C1orf115: variants seen among roughly 807,000 people sequenced by gnomAD.
C1orf115 encodes the protein required for drug-induced death protein 1.
A neutral mutation model predicts 12.5 loss-of-function variants in C1orf115; 14 were observed. The observed-to-expected ratio is 1.12, with a 90% CI of 0.74 to 1.75. The LOEUF (loss-of-function observed/expected upper bound fraction) is 1.75, where lower values mean the gene tolerates loss of function less well. Ranked by LOEUF, C1orf115 falls within the 40% of genes most tolerant of loss-of-function variation. The pLI is 0.00. For synonymous variants in C1orf115, 109 were observed against 104.6 expected (o/e 1.04, Z -0.26); for missense variants, 237 against 220.8 (o/e 1.07, Z -0.46).
chr1:220,690,880 G>A (rs1483136961), intron 1 of C1orf115, among the ~76,000 whole-genome samples, 169 bp downstream of exon 1: 1 of 152,162 alleles, frequency 6.6e-6, no homozygotes, highest in African/African-American at 2.4e-5. Context: ...GTTGCGAGTC[G>A]TGATAGAAAC....
At chr1:220,692,804 G>T (rs546231617) in intron 1 of C1orf115, among the ~76,000 whole-genome samples, 29 of 152,334 alleles carry the variant, frequency 1.9e-4, no homozygotes, top group African/African-American at 7.0e-4. Context: ...TTTATGTTAT[G>T]TGAATTTTGC....
In C1orf115 at chr1:220,697,526, G is replaced by A. The variant is rs1034493527; in HGVS notation, c.*795G>A. On this transcript the variant is annotated 3_prime_UTR_variant, in exon 2 of 2. Coordinates refer to ENST00000294889, the MANE Select transcript of C1orf115 (RefSeq NM_024709.5). This position sits in a 1 kb window ranked among gnomAD's most constrained non-coding sequence, Gnocchi z 4.5. ...GCATTGCCCACTTCGGCCCAGCCAC[G>A]TGTTTGCAGCGACCAGAGTCCCTGC... The A allele has an allele frequency of 1.3e-5, 2 of 152,334 alleles. No homozygotes were observed. Among genetic ancestry groups the A allele is most frequent in the African/African-American group, 2.4e-5 (1 of 41,556 alleles). The allele number at this position is 152,334 out of a possible 1,614,324, so 9.4% of individuals were successfully genotyped here.
chr1:220,696,717 T>C lies in C1orf115; in HGVS notation c.415T>C (p.Ser139Pro), dbSNP rs1670200087. The change falls in exon 2 of 2, where the codon TCC becomes CCC. Residue 139 changes from serine to proline, a missense_variant. Ser to Pro is a moderately conservative substitution (Grantham distance 74). Transcript: ENST00000294889. ...GTTTGCGGTAGCCACCAGCGTGGTA[T>C]CCTTCGTGCGCTAATGGGAGCTGCT... Reference protein sequence around the residue: ...APFAVATSVVSFVR With the variant: ...APFAVATSVVPFVR 6.3e-7 allele frequency: 1 copy of C among 1,593,752 alleles called. No individual in the cohort carries two copies. The highest frequency in any genetic ancestry group is 8.6e-7 in the Non-Finnish European group (1 of 1,163,162).
chr1:220,694,242 T>C (rs1425772869), intron 1 of C1orf115, among the ~76,000 whole-genome samples: 1 of 152,196 alleles, frequency 6.6e-6, no homozygotes, highest in East Asian at 1.9e-4. Flanking sequence ...TATTTAGCAG[T>C]AATAATAGCT....
Position 220,690,572 on chromosome 1 carries a change from A to T in C1orf115, c.170A>T (p.Asp57Val), listed in dbSNP as rs554579162. The change falls in exon 1 of 2, where the codon GAC becomes GTC. Residue 57 changes from aspartate to valine, a missense_variant. By Grantham distance (152) the Asp-to-Val change is radical. Transcript: ENST00000294889. ...GCCGAGAGCGGGACGAGCGCGGCGG[A>T]CGAGCGGGGCCCGGGGACCCGGGGC... ...AAAESGTSAA[D>V]ERGPGTRGAR... 8.8e-4 allele frequency: 1,308 copies of T among 1,490,266 alleles called. 1 individual carries two copies. The highest frequency in any genetic ancestry group is 3.2e-3 in the Admixed American group (131 of 41,358). 92.3% of individuals were successfully genotyped at this position (1,490,266 alleles called of 1,614,324 possible).
rs942548901 is a variant in C1orf115 at position 220,698,799 on chromosome 1, T to C, written c.*2068T>C. 4 of 152,164 alleles carry C rather than the reference T, an allele frequency of 2.6e-5. No individual in the cohort carries two copies. Among genetic ancestry groups the C allele is most frequent in the African/African-American group, 7.2e-5 (3 of 41,424 alleles). The allele number at this position is 152,164 out of a possible 1,614,324, so 9.4% of individuals were successfully genotyped here. A position where few individuals can be genotyped will look rare whatever the true frequency, so the allele number is the denominator to read the frequency against. On this transcript the variant is annotated 3_prime_UTR_variant, in exon 2 of 2. Coordinates refer to ENST00000294889, the MANE Select transcript of C1orf115 (RefSeq NM_024709.5). Reference sequence around the variant, plus strand: ...TTTGGCCCTGAAATTCTTAAGAATCTGGTTAAGAATTAACTCACTAATGTC... The same window carrying C: ...TTTGGCCCTGAAATTCTTAAGAATCCGGTTAAGAATTAACTCACTAATGTC...
intron 1 of C1orf115, among the ~76,000 whole-genome samples, chr1:220,695,507 T>TG (rs974362303): frequency 2.0e-5 from 3 of 149,284 alleles, no homozygotes; most frequent in African/African-American, 7.4e-5. Flanking sequence ...TTTTTTTTTT[T>TG]TTTTTTTTTC....
At position 220,696,927 on chromosome 1, in the gene C1orf115, C is replaced by T. The variant is rs1049881386; in HGVS notation, c.*196C>T. 1.1e-5 allele frequency: 7 copies of T among 632,586 alleles called. No homozygotes were observed. The Admixed American group carries it at 1.4e-4, about 13-fold the overall frequency. The allele number at this position is 632,586 out of a possible 1,614,324, so 39.2% of individuals were successfully genotyped here. A position where few individuals can be genotyped will look rare whatever the true frequency, so the allele number is the denominator to read the frequency against. Reference sequence around the variant, plus strand: ...CTGAGCTTCTCACATCTCTCAGTCACACGTGGACCCAGTGGTCAATCCTGC... The same window carrying T: ...CTGAGCTTCTCACATCTCTCAGTCATACGTGGACCCAGTGGTCAATCCTGC... On this transcript the variant is annotated 3_prime_UTR_variant, in exon 2 of 2. Coordinates refer to ENST00000294889, the MANE Select transcript of C1orf115 (RefSeq NM_024709.5).
At chr1:220,690,830 C>G in intron 1 of C1orf115, 119 bp downstream of exon 1, 2 of 1,196,646 alleles carry the variant, frequency 1.7e-6, no homozygotes, top group South Asian at 1.6e-5. Flanking sequence ...TGCGACCCCT[C>G]CGCCCCCGCT....
Position 220,697,730 on chromosome 1 carries a change from AC to A in C1orf115, c.*1001del, listed in dbSNP as rs1330136829. 1 of 152,654 alleles carries A rather than the reference AC, an allele frequency of 6.6e-6. No homozygotes were observed. The highest frequency in any genetic ancestry group is 1.5e-5 in the Non-Finnish European group (1 of 68,364). The allele number at this position is 152,654 out of a possible 1,614,324, so 9.5% of individuals were successfully genotyped here. ...ATGAAAATACAGATTTAGAGAAGGA[AC>A]CAGTAAGTAGGAGACAGATGTGAAG... On this transcript the variant is annotated 3_prime_UTR_variant, in exon 2 of 2. Coordinates refer to ENST00000294889, the MANE Select transcript of C1orf115 (RefSeq NM_024709.5). The surrounding 1 kb of genome is among the most constrained non-coding windows in gnomAD (Gnocchi z 4.5).
chr1:220,690,743 GC>G, intron 1 of C1orf115, 32 bp downstream of exon 1: 1 of 1,553,854 alleles, frequency 6.4e-7, no homozygotes. Context: ...TGCCCGGGGG[GC>G]GCGGGTGTGG....
At chr1:220,694,258 T>TG (rs974724651) in intron 1 of C1orf115, among the ~76,000 whole-genome samples, 10 of 152,160 alleles carry the variant, frequency 6.6e-5, no homozygotes, top group Admixed American at 6.5e-4. Flanking sequence ...TAGCTGACAT[T>TG]GGGGGGCACT....
rs1406251625 is a variant in C1orf115 at position 220,698,014 on chromosome 1, TGGGTCTTGG to T, written c.*1285_*1293del. On this transcript the variant is annotated 3_prime_UTR_variant, in exon 2 of 2. Coordinates refer to ENST00000294889, the MANE Select transcript of C1orf115 (RefSeq NM_024709.5). ...CTGGATTCAAAGGGTAAGGTGGGCA[TGGGTCTTGG>T]GCCTGACACCCACCAAGGATGACCT... is the stretch of plus-strand genomic sequence containing the variant. 6.6e-6 allele frequency: 1 copy of T among 152,466 alleles called. No homozygotes were observed. The highest frequency in any genetic ancestry group is 1.5e-5 in the Non-Finnish European group (1 of 68,312). The allele number at this position is 152,466 out of a possible 1,614,324, so 9.4% of individuals were successfully genotyped here.
chr1:220,692,759 T>A (rs903436002), intron 1 of C1orf115, among the ~76,000 whole-genome samples: 12 of 152,202 alleles, frequency 7.9e-5, no homozygotes, highest in Non-Finnish European at 1.8e-4. Flanking sequence ...ATGTACTAAA[T>A]GCCACCGGGC....
intron 1 of C1orf115, among the ~76,000 whole-genome samples, 170 bp downstream of exon 1, chr1:220,690,881 T>A (rs1243039724): frequency 6.6e-6 from 1 of 152,068 alleles, no homozygotes; most frequent in Non-Finnish European, 1.5e-5. Context: ...TTGCGAGTCG[T>A]GATAGAAACT....
Position 220,690,663 on chromosome 1 carries a change from C to A in C1orf115, c.261C>A (p.Ser87Arg). 6.3e-7 allele frequency: 1 copy of A among 1,593,960 alleles called. No individual in the cohort carries two copies. Among genetic ancestry groups the A allele is most frequent in the South Asian group, 1.1e-5 (1 of 88,802 alleles). Residue 87 changes from serine (S) to arginine (R), a missense_variant, in exon 1 of 2, where the codon AGC becomes AGA. By Grantham distance (110) the Ser-to-Arg change is moderately radical (BLOSUM62 -1). Transcript: ENST00000294889. ...RYEPLEEPAP[S>R]EQPRKRYRRK... ...AGCCACTGGAGGAGCCGGCGCCGAGCGAGCAGCCCAGGAAGAGGTACCGGA... is the reference window on the plus strand; with the variant it reads ...AGCCACTGGAGGAGCCGGCGCCGAGAGAGCAGCCCAGGAAGAGGTACCGGA...
In C1orf115 at chr1:220,696,667, G is replaced by T. The variant is rs1277867082; in HGVS notation, c.365G>T (p.Gly122Val). Residue 122 changes from glycine (G) to valine (V), a missense_variant, in exon 2 of 2, where the codon GGC (glycine) becomes GTC (valine). Transcript: ENST00000294889. ...GCRYVVIGLQ[G>V]FAAAYSAPFA... Reference sequence around the variant, plus strand: ...CGCTACGTGGTCATCGGCCTGCAAGGCTTCGCTGCAGCCTACTCCGCCCCG... The same window carrying T: ...CGCTACGTGGTCATCGGCCTGCAAGTCTTCGCTGCAGCCTACTCCGCCCCG... 6.2e-7 allele frequency: 1 copy of T among 1,603,680 alleles called. No individual in the cohort carries two copies. The highest frequency in any genetic ancestry group is 1.7e-5 in the Admixed American group (1 of 59,894).
At chr1:220,695,370 T>A (rs1490076787) in intron 1 of C1orf115, among the ~76,000 whole-genome samples, 1 of 151,594 alleles carries the variant, frequency 6.6e-6, no homozygotes, top group Non-Finnish European at 1.5e-5. Context: ...ATCAAGGGAA[T>A]GGCTTGGGGG....
intron 1 of C1orf115, among the ~76,000 whole-genome samples, chr1:220,691,634 C>A (rs364360): frequency 0.11 from 17,287 of 152,184 alleles, 1,593 homozygotes; most frequent in East Asian, 0.31. Context: ...AGAATACAGG[C>A]AGGGGTAAAA....
Sources: gnomAD v4.1 joint callset for allele counts (sites outside exome capture counted in the v4.1 genomes callset) on GRCh38, gnomAD v4.1.1 for gene constraint, Gnocchi (gnomAD v3.1) non-coding constraint, MANE v1.5 for transcripts, NCBI Gene and HGNC (gene_info 2026-07-23, HGNC 2026-07-21) for gene names.